SNX27: variants seen among roughly 807,000 people sequenced by gnomAD.
SNX27 encodes the protein sorting nexin 27, also known as sorting nexin-27.
A neutral mutation model predicts 71.6 loss-of-function variants in SNX27; 22 were observed. The ratio of observed to expected loss-of-function variants is 0.31; its 90% confidence interval spans 0.22 to 0.44. SNX27 has a LOEUF of 0.44. Ranked by LOEUF, SNX27 falls within the 20% of genes least tolerant of loss-of-function variation. The probability of loss-of-function intolerance (pLI) is 1.00; values close to 1 mark genes in which losing one functional copy is unlikely to be tolerated. For synonymous variants in SNX27, 269 were observed against 277.2 expected, an observed-to-expected ratio of 0.97 and a Z score of 0.29; for missense variants, 531 against 698.6, an observed-to-expected ratio of 0.76 and a Z score of 2.70.
intron 1 of SNX27, among the ~76,000 whole-genome samples, chr1:151,614,929 T>G (rs746881949): frequency 3.9e-5 from 6 of 152,216 alleles, no homozygotes; most frequent in Non-Finnish European, 8.8e-5. Context: ...AGTTAGTGGC[T>G]TCTTGCCTTT....
chr1:151,664,243 A>G (rs1238752561), intron 5 of SNX27, among the ~76,000 whole-genome samples: 4 of 147,040 alleles, frequency 2.7e-5, no homozygotes, highest in Non-Finnish European at 1.5e-5. Context: ...AATAGTATAT[A>G]TTATATATAA....
chr1:151,641,602 T>TAG (rs1668727129), intron 2 of SNX27, among the ~76,000 whole-genome samples: 21 of 54,714 alleles, frequency 3.8e-4, no homozygotes, highest in Non-Finnish European at 6.6e-5. Flanking sequence ...TTATCAGATA[T>TAG]ATATATATAT....
At chr1:151,620,904 C>G (rs766315960) in intron 1 of SNX27, among the ~76,000 whole-genome samples, 1 of 152,128 alleles carries the variant, frequency 6.6e-6, no homozygotes, top group Non-Finnish European at 1.5e-5. Context: ...GCTGGCCAGG[C>G]TGGTCTTGAA....
intron 2 of SNX27, among the ~76,000 whole-genome samples, chr1:151,646,882 G>GAC (rs76803336): frequency 0.42 from 61,802 of 148,362 alleles, 13,744 homozygotes; most frequent in East Asian, 0.6. Flanking sequence ...GCTGGACACA[G>GAC]ACACACACAC....
At position 151,692,432 on chromosome 1, in the gene SNX27, T is replaced by TTTAAA; in HGVS notation, c.1240-3_1240-2insTTAAA. On this transcript the variant is annotated splice_polypyrimidine_tract_variant and splice_region_variant and intron_variant, in intron 8 of 11. Transcript: ENST00000458013. ...TTTTTTTTTTTTTTTTTTTTTTTTT[T>TTTAAA]AGTACCTCAACATGCTAAGGACTTG... is the stretch of plus-strand genomic sequence containing the variant. 1 of 1,452,072 alleles carries TTTAAA rather than the reference T, an allele frequency of 6.9e-7. No homozygotes were observed. Among genetic ancestry groups the TTTAAA allele is most frequent in the Non-Finnish European group, 9.1e-7 (1 of 1,101,930 alleles). The allele number at this position is 1,452,072 out of a possible 1,614,324, so 89.9% of individuals were successfully genotyped here. A position where few individuals can be genotyped will look rare whatever the true frequency, so the allele number is the denominator to read the frequency against.
intron 1 of SNX27, among the ~76,000 whole-genome samples, chr1:151,633,585 C>T (rs1428510347): frequency 6.6e-6 from 1 of 152,180 alleles, no homozygotes; most frequent in African/African-American, 2.4e-5. Flanking sequence ...AGGCGTGACA[C>T]GTAAGAAAGT....
intron 7 of SNX27, chr1:151,677,800 T>A (rs948784553): frequency 2.0e-5 from 3 of 152,150 alleles, no homozygotes; most frequent in African/African-American, 7.2e-5. Context: ...ATTTAAGTAT[T>A]TAGAAAAGTT....
intron 2 of SNX27, among the ~76,000 whole-genome samples, chr1:151,654,307 G>A (rs1669574073): frequency 6.6e-6 from 1 of 152,098 alleles, no homozygotes; most frequent in South Asian, 2.1e-4. Context: ...TTCACCCTTA[G>A]TCTTAGGCAG....
chr1:151,675,362 T>C lies in SNX27; in HGVS notation c.1149+6727T>C, dbSNP rs1670636139. On this transcript the variant is annotated intron_variant, in intron 7 of 11. Transcript: ENST00000458013. ...TTTAGGAACTTTTCCTACAAGTATT[T>C]ACATGTATATTTGGCTTTAGGTCTT... is the stretch of plus-strand genomic sequence containing the variant. 2.0e-5 allele frequency among the ~76,000 whole-genome samples: 3 copies of C among 152,160 alleles called. No homozygotes were observed. In the South Asian group the frequency reaches 6.2e-4, roughly 31 times the overall value.
chr1:151,618,101 A>G (rs936515980), intron 1 of SNX27, among the ~76,000 whole-genome samples: 3 of 151,574 alleles, frequency 2.0e-5, no homozygotes, highest in Non-Finnish European at 4.4e-5. Flanking sequence ...CCTGGCCTCA[A>G]GTGATCTGCC....
chr1:151,618,921 G>A (rs1291474270), intron 1 of SNX27, among the ~76,000 whole-genome samples: 15 of 150,376 alleles, frequency 1.0e-4, no homozygotes, highest in Non-Finnish European at 2.2e-4. Flanking sequence ...CCCACATTTG[G>A]AAAAAAATTT....
intron 7 of SNX27, chr1:151,675,810 CTTTTTTTTTTTTTTTTTTTT>C (rs57260474): frequency 3.2e-4 from 10 of 31,482 alleles, no homozygotes; most frequent in Admixed American, 4.8e-4. Flanking sequence ...TTCTTTCTTT[CTTTTTTTTTTTTTTTTTTTT>C]TTTTTTTTTT....
chr1:151,694,528 T>C lies in SNX27; in HGVS notation c.*111T>C. 8.7e-7 allele frequency: 1 copy of C among 1,148,314 alleles called. No individual in the cohort carries two copies. 71.1% of individuals were successfully genotyped at this position (1,148,314 alleles called of 1,614,324 possible). On this transcript the variant is annotated 3_prime_UTR_variant, in exon 12 of 12. Transcript: ENST00000458013. ...AAAGAAGAGAAAAAGTTAAAGTCGT[T>C]ATATTCAAAAGCCCTAAACTAAATA...
chr1:151,656,425 T>C (rs1296588399), intron 2 of SNX27, among the ~76,000 whole-genome samples: 1 of 152,170 alleles, frequency 6.6e-6, no homozygotes, highest in African/African-American at 2.4e-5. Flanking sequence ...AATAAGTATA[T>C]GAAGAGATAT....
intron 8 of SNX27, among the ~76,000 whole-genome samples, chr1:151,690,610 T>G (rs1218761729): frequency 3.3e-5 from 5 of 151,386 alleles, no homozygotes; most frequent in African/African-American, 1.2e-4. Context: ...GGCAAATTTT[T>G]TTTTTGTTTT....
intron 1 of SNX27, among the ~76,000 whole-genome samples, chr1:151,628,606 A>C (rs1418619110): frequency 6.6e-6 from 1 of 152,222 alleles, no homozygotes; most frequent in Non-Finnish European, 1.5e-5. Flanking sequence ...CCAGCAGTGA[A>C]TGAGGATTGC....
At chr1:151,620,371 T>A (rs1021470023) in intron 1 of SNX27, among the ~76,000 whole-genome samples, 2 of 152,148 alleles carry the variant, frequency 1.3e-5, no homozygotes, top group Non-Finnish European at 2.9e-5. Flanking sequence ...AAGAGGAAAA[T>A]CACTATTAGA....
At chr1:151,681,235 C>CTTTATTTTTTTTTT (rs1670931947) in intron 7 of SNX27, among the ~76,000 whole-genome samples, 1 of 60,700 alleles carries the variant, frequency 1.6e-5, no homozygotes, top group Non-Finnish European at 3.2e-5. Context: ...GTCTCTCAAT[C>CTTTATTTTTTTTTT]TTTTTTTTTT....
intron 2 of SNX27, among the ~76,000 whole-genome samples, chr1:151,642,896 T>TC (rs1416046681): frequency 7.9e-5 from 12 of 152,190 alleles, no homozygotes; most frequent in African/African-American, 2.7e-4. Context: ...CGCCTCGGCC[T>TC]CCCAAAGTGC....
Sources: allele counts gnomAD v4.1 joint callset (sites outside exome capture counted in the v4.1 genomes callset), GRCh38; gene constraint gnomAD v4.1.1; transcripts MANE v1.5; gene names NCBI Gene and HGNC (gene_info 2026-07-23, HGNC 2026-07-21).